The following ADAM2 variants were observed in gnomAD, a reference collection of about 807,000 sequenced individuals.
The protein encoded by ADAM2 is ADAM metallopeptidase domain 2.
A neutral mutation model predicts 99.3 loss-of-function variants in ADAM2; 101 were observed. The ratio of observed to expected loss-of-function variants is 1.02; its 90% CI spans 0.87 to 1.20. The LOEUF is 1.20. Ranked by LOEUF, ADAM2 falls within the 50% of genes most tolerant of loss-of-function variation. The pLI, the probability that ADAM2 is intolerant of heterozygous loss-of-function variation, is 0.00. For missense variants in ADAM2, 948 were observed against 878.7 expected, an observed-to-expected ratio of 1.08 and a Z score of -1.00; for synonymous variants, 323 against 287.6, an observed-to-expected ratio of 1.12 and a Z score of -1.25.
Position 39,769,400 on chromosome 8 carries a change from T to C in ADAM2, c.1204A>G (p.Thr402Ala). The change falls in exon 12 of 21, where the codon ACT (threonine) becomes GCT (alanine). Residue 402 changes from threonine (T) to alanine (A), a missense_variant. Thr to Ala is a moderately conservative substitution (Grantham distance 58, BLOSUM62 0). Coordinates refer to ENST00000265708, the MANE Select transcript of ADAM2 (RefSeq NM_001464.5). ...LEAGEECDCG[T>A]EQDCALIGET... ...TCCGAATTAGTACCAACCTGTTCAGTCCCACAGTCACACTCCTCTCCTGCT... is the reference window on the plus strand; with the variant it reads ...TCCGAATTAGTACCAACCTGTTCAGCCCCACAGTCACACTCCTCTCCTGCT... The C allele has an allele frequency of 6.2e-7, 1 of 1,613,442 alleles. No individual in the cohort carries two copies. The highest frequency in any genetic ancestry group is 8.5e-7 in the Non-Finnish European group (1 of 1,179,534).
At chr8:39,796,085 A>G (rs1302569997) in intron 7 of ADAM2, among the ~76,000 whole-genome samples, 1 of 152,004 alleles carries the variant, frequency 6.6e-6, no homozygotes, top group Non-Finnish European at 1.5e-5. Context: ...TTCTTCTAAA[A>G]AAAAAACAGG....
chr8:39,755,610 G>T (rs1050417198), intron 16 of ADAM2, 118 bp downstream of exon 16: 4 of 683,496 alleles, frequency 5.9e-6, no homozygotes, highest in South Asian at 2.0e-5. Flanking sequence ...GGTGGCAGAG[G>T]TTGCAGTGAG....
intron 7 of ADAM2, among the ~76,000 whole-genome samples, chr8:39,804,757 T>G (rs780138880): frequency 6.6e-6 from 1 of 152,178 alleles, no homozygotes; most frequent in African/African-American, 2.4e-5. Context: ...AAAATAAGTA[T>G]GGTAAAGTTT....
At chr8:39,754,121 C>G (rs751809572) in intron 16 of ADAM2, among the ~76,000 whole-genome samples, 1 of 152,212 alleles carries the variant, frequency 6.6e-6, no homozygotes, top group Non-Finnish European at 1.5e-5. Context: ...ATCCCATCCT[C>G]GTCCTAGTGT....
chr8:39,772,933 T>C (rs1032357402), intron 11 of ADAM2, among the ~76,000 whole-genome samples: 1 of 151,920 alleles, frequency 6.6e-6, no homozygotes, highest in Non-Finnish European at 1.5e-5. Flanking sequence ...TCTTAATTAC[T>C]AACTAAAAAC....
chr8:39,798,887 T>C (rs1262770311), intron 7 of ADAM2, among the ~76,000 whole-genome samples: 1 of 152,144 alleles, frequency 6.6e-6, no homozygotes, highest in Non-Finnish European at 1.5e-5. Context: ...AGTGGTGATA[T>C]CCCCTTTATC....
intron 11 of ADAM2, chr8:39,774,536 C>G (rs1290621733): frequency 6.6e-6 from 1 of 151,870 alleles, no homozygotes; most frequent in African/African-American, 2.4e-5. Flanking sequence ...TTCATAGTCT[C>G]ATAAACATGG....
intron 14 of ADAM2, among the ~76,000 whole-genome samples, chr8:39,762,473 C>T (rs766805202): frequency 3.1e-4 from 47 of 152,148 alleles, no homozygotes; most frequent in Admixed American, 8.5e-4. Flanking sequence ...TACTGAAAGA[C>T]GGTGTGATGA....
rs575903526 is a variant in ADAM2, at chr8:39,749,457, G to T, written c.1876-7C>A. On this transcript the variant is annotated splice_region_variant and splice_polypyrimidine_tract_variant and intron_variant, in intron 17 of 20. Transcript: ENST00000265708. ...GCTTTTTGTTATTGCATACCTAAAAGAAGGAGAAATATCACCTTATAAGAT... is the reference window on the plus strand; with the variant it reads ...GCTTTTTGTTATTGCATACCTAAAATAAGGAGAAATATCACCTTATAAGAT... 5 of 1,608,862 alleles carry T rather than the reference G, an allele frequency of 3.1e-6. No individual in the cohort carries two copies. The African/African-American group carries it at 6.7e-5, about 22-fold the overall frequency.
In ADAM2 at chr8:39,749,755, T is replaced by A; in HGVS notation, c.1798-11A>T. 6.2e-7 allele frequency: 1 copy of A among 1,608,466 alleles called. No homozygotes were observed. Among genetic ancestry groups the A allele is most frequent in the Non-Finnish European group, 8.5e-7 (1 of 1,176,664 alleles). Reference sequence around the variant, plus strand: ...TTGATTCCTGCAAACCTAAAAAGGATGAGCAAAAATAAGTTAATTGACATG... The same window carrying A: ...TTGATTCCTGCAAACCTAAAAAGGAAGAGCAAAAATAAGTTAATTGACATG... On this transcript the variant is annotated splice_polypyrimidine_tract_variant and intron_variant, in intron 16 of 20. Transcript: ENST00000265708.
intron 6 of ADAM2, among the ~76,000 whole-genome samples, chr8:39,816,841 A>C (rs1281252637): frequency 6.6e-6 from 1 of 152,210 alleles, no homozygotes; most frequent in East Asian, 1.9e-4. Flanking sequence ...CAACTATTCA[A>C]GTTTGCCACC....
chr8:39,799,953 C>A (rs1016049889), intron 7 of ADAM2, among the ~76,000 whole-genome samples: 1 of 152,202 alleles, frequency 6.6e-6, no homozygotes, highest in African/African-American at 2.4e-5. Context: ...GAGTACAGCA[C>A]ACCAATGAGT....
intron 6 of ADAM2, 138 bp from the exon 7 acceptor site, chr8:39,809,604 A>C: frequency 3.8e-6 from 2 of 521,278 alleles, no homozygotes; most frequent in Non-Finnish European, 6.9e-6. Context: ...TATAAGCAAC[A>C]CTAGATATCA....
chr8:39,830,098 C>T (rs1047677766), intron 3 of ADAM2, among the ~76,000 whole-genome samples: 7 of 152,144 alleles, frequency 4.6e-5, no homozygotes, highest in East Asian at 1.9e-4. Context: ...ATTCACTTCA[C>T]GACACTTATT....
intron 18 of ADAM2, among the ~76,000 whole-genome samples, chr8:39,747,245 C>T (rs1823509724): frequency 1.3e-5 from 2 of 152,188 alleles, no homozygotes. Context: ...AATGAACGTA[C>T]ATGCTACCTT....
rs115712684 is a variant in ADAM2, at chr8:39,787,732, A to G, written c.809+353T>C. Among the ~76,000 whole-genome samples the G allele has an allele frequency of 5.9e-3, 900 of 151,784 alleles. 10 individuals carry two copies. Among genetic ancestry groups the G allele is most frequent in the African/African-American group, 0.021 (885 of 41,528 alleles). ...TACTTTGCTTACTTTTTAATTTACA[A>G]CAACAAATCATAACAAGAAGGCTGA... On this transcript the variant is annotated intron_variant, in intron 9 of 20. Transcript: ENST00000265708.
At chr8:39,744,443 C>T (rs1473656297) in intron 20 of ADAM2, among the ~76,000 whole-genome samples, 1 of 151,944 alleles carries the variant, frequency 6.6e-6, no homozygotes, top group African/African-American at 2.4e-5. Flanking sequence ...CCCCAACCCC[C>T]CCATCCTTAA....
In ADAM2 at chr8:39,746,625, C is replaced by G. The variant is rs111543786; in HGVS notation, c.2021G>C (p.Arg674Pro). Reference protein sequence around the residue: ...VAIPARLPERRYIENIYHSKP... With the variant: ...VAIPARLPERPYIENIYHSKP... ...GGAATGGTAAATGTTCTCAATGTAGCGCCTTTCTAGAAGAAAAAAAAATCA... is the reference window on the plus strand; with the variant it reads ...GGAATGGTAAATGTTCTCAATGTAGGGCCTTTCTAGAAGAAAAAAAAATCA... The change falls in exon 19 of 21, where the codon CGC becomes CCC. Residue 674 changes from arginine to proline, a missense_variant. By Grantham distance (103) the Arg-to-Pro change is moderately radical. Transcript: ENST00000265708. The G allele has an allele frequency of 5.1e-6, 8 of 1,576,728 alleles. No individual in the cohort carries two copies. In the Admixed American group the frequency reaches 1.2e-4, roughly 23 times the overall value.
At chr8:39,798,151 T>C (rs1586118932) in intron 7 of ADAM2, among the ~76,000 whole-genome samples, 1 of 152,244 alleles carries the variant, frequency 6.6e-6, no homozygotes, top group African/African-American at 2.4e-5. Flanking sequence ...TTTTTGCCCA[T>C]TCAGTATGAT....
Sources: gnomAD v4.1 joint callset for allele counts (sites outside exome capture counted in the v4.1 genomes callset) on GRCh38, gnomAD v4.1.1 for gene constraint, MANE v1.5 for transcripts, NCBI Gene and HGNC (gene_info 2026-07-23, HGNC 2026-07-21) for gene names.